The following PLCH1 variants were observed in gnomAD, a reference collection of about 807,000 sequenced individuals.
PLCH1 encodes the protein phospholipase C eta 1.
Under a neutral mutation model 126.7 loss-of-function variants are expected in PLCH1, and 60 were observed. The ratio of observed to expected loss-of-function variants is 0.47; its 90% CI spans 0.38 to 0.59. The LOEUF is 0.59. PLCH1 is among the 20% of genes least tolerant of loss of function. The pLI is 0.00. For missense variants in PLCH1, 1,723 were observed against 2,040.0 expected (o/e 0.84, Z 2.99); for synonymous variants, 719 against 734.9 (o/e 0.98, Z 0.35).
chr3:155,695,833 G>A (rs1375901349), intron 2 of PLCH1, among the ~76,000 whole-genome samples: 5 of 152,198 alleles, frequency 3.3e-5, no homozygotes, highest in African/African-American at 9.6e-5. Flanking sequence ...GGATGTGTTC[G>A]AAGTTGGCTA....
chr3:155,594,701 G>A (rs902657961), intron 3 of PLCH1, among the ~76,000 whole-genome samples: 2 of 152,128 alleles, frequency 1.3e-5, no homozygotes, highest in Non-Finnish European at 2.9e-5. Context: ...TGTGCTGCCT[G>A]AGCTGTCTTG....
At chr3:155,613,877 G>A (rs953420480) in intron 2 of PLCH1, among the ~76,000 whole-genome samples, 10 of 151,954 alleles carry the variant, frequency 6.6e-5, no homozygotes, top group African/African-American at 2.2e-4. Flanking sequence ...GTTCGCCAAC[G>A]ATATTTTATC....
chr3:155,663,024 C>A (rs547190623), intron 2 of PLCH1, among the ~76,000 whole-genome samples: 34 of 152,118 alleles, frequency 2.2e-4, no homozygotes, highest in Non-Finnish European at 4.0e-4. Flanking sequence ...AGTATTAAAT[C>A]TTTTCTTCTG....
chr3:155,523,024 G>T (rs1365289213), intron 11 of PLCH1, among the ~76,000 whole-genome samples: 1 of 152,050 alleles, frequency 6.6e-6, no homozygotes, highest in Non-Finnish European at 1.5e-5. Flanking sequence ...GCCCAGGCTG[G>T]AGTTCAGTGG....
intron 2 of PLCH1, among the ~76,000 whole-genome samples, chr3:155,600,770 TC>T (rs1236685014): frequency 3.9e-5 from 6 of 152,202 alleles, no homozygotes; most frequent in African/African-American, 1.4e-4. Context: ...GCACTCTGCT[TC>T]TTTCATTTGT....
chr3:155,649,868 C>G (rs1262674287), intron 2 of PLCH1, among the ~76,000 whole-genome samples: 1 of 152,084 alleles, frequency 6.6e-6, no homozygotes, highest in Non-Finnish European at 1.5e-5. Flanking sequence ...GTCCCAGCTG[C>G]TGGGGAGGCT....
intron 2 of PLCH1, among the ~76,000 whole-genome samples, chr3:155,635,015 G>T (rs181094536): frequency 9.2e-5 from 14 of 152,176 alleles, no homozygotes; most frequent in Non-Finnish European, 1.3e-4. Flanking sequence ...CTGTAACTGG[G>T]CATGATAATG....
chr3:155,688,577 A>C (rs937956510), intron 2 of PLCH1, among the ~76,000 whole-genome samples: 2 of 152,212 alleles, frequency 1.3e-5, no homozygotes, highest in Admixed American at 6.5e-5. Flanking sequence ...GGGGTAGAGC[A>C]AAAACCAGGT....
At chr3:155,666,826 A>C (rs896455483) in intron 2 of PLCH1, among the ~76,000 whole-genome samples, 1 of 152,112 alleles carries the variant, frequency 6.6e-6, no homozygotes, top group African/African-American at 2.4e-5. Flanking sequence ...CTTAGAGAAA[A>C]AATATAAGTA....
chr3:155,615,042 A>G (rs1735611738), intron 2 of PLCH1, among the ~76,000 whole-genome samples: 1 of 152,226 alleles, frequency 6.6e-6, no homozygotes, highest in Admixed American at 6.5e-5. Context: ...GAATCCAACG[A>G]AGGACTAATA....
At chr3:155,600,037 T>G (rs1365600564) in intron 2 of PLCH1, among the ~76,000 whole-genome samples, 1 of 152,204 alleles carries the variant, frequency 6.6e-6, no homozygotes, top group East Asian at 1.9e-4. Flanking sequence ...TTCTACCTGA[T>G]TGCTCCCTAT....
chr3:155,639,734 C>T (rs948551191), intron 2 of PLCH1, among the ~76,000 whole-genome samples: 3 of 152,178 alleles, frequency 2.0e-5, no homozygotes, highest in African/African-American at 7.2e-5. Context: ...GAAATAGAAC[C>T]TTGATATGGT....
At chr3:155,607,447 T>G (rs1330371436) in intron 2 of PLCH1, among the ~76,000 whole-genome samples, 3 of 152,100 alleles carry the variant, frequency 2.0e-5, no homozygotes, top group Non-Finnish European at 4.4e-5. Flanking sequence ...ATACAATGTT[T>G]ATTTGTTTTT....
rs757011252 is a variant in PLCH1, at chr3:155,586,205, G to A, written c.471-11C>T. The A allele has an allele frequency of 1.9e-6, 3 of 1,613,804 alleles. No homozygotes were observed. Among genetic ancestry groups the A allele is most frequent in the East Asian group, 2.2e-5 (1 of 44,882 alleles). On this transcript the variant is annotated splice_polypyrimidine_tract_variant and intron_variant, in intron 4 of 22. Coordinates refer to ENST00000460012, the MANE Select transcript of PLCH1 (RefSeq NM_014996.4). The stretch of plus-strand genomic sequence containing the variant: ...GTCTGCTTCACCCATGTGCAGAAAG[G>A]TCAAAGAAAACACCTGTGCTCTCAT...
At chr3:155,643,140 G>C (rs915162728) in intron 2 of PLCH1, among the ~76,000 whole-genome samples, 1 of 152,052 alleles carries the variant, frequency 6.6e-6, no homozygotes, top group African/African-American at 2.4e-5. Flanking sequence ...GTAGAGGCGG[G>C]GTTTCACCAT....
chr3:155,534,394 G>A (rs765160516), intron 10 of PLCH1, among the ~76,000 whole-genome samples: 4 of 152,198 alleles, frequency 2.6e-5, no homozygotes, highest in Non-Finnish European at 5.9e-5. Context: ...TTTGGCCGAT[G>A]TCTCCTTTTT....
intron 2 of PLCH1, among the ~76,000 whole-genome samples, chr3:155,664,130 A>G (rs939916164): frequency 6.6e-6 from 1 of 152,236 alleles, no homozygotes; most frequent in African/African-American, 2.4e-5. Flanking sequence ...TTATGTTCAG[A>G]AAAGAAACTG....
intron 1 of PLCH1, among the ~76,000 whole-genome samples, chr3:155,709,411 AATG>A (rs1454437179): frequency 6.6e-6 from 1 of 152,194 alleles, no homozygotes; most frequent in Non-Finnish European, 1.5e-5. Context: ...GCCAGCAATA[AATG>A]ATAGTTCCTG....
At chr3:155,484,393 T>C (rs1327702982) in intron 22 of PLCH1, among the ~76,000 whole-genome samples, 1 of 152,208 alleles carries the variant, frequency 6.6e-6, no homozygotes, top group Non-Finnish European at 1.5e-5. Context: ...TAAATGTTCT[T>C]TTTCTCCTTC....
Sources: gnomAD v4.1 joint callset for allele counts (sites outside exome capture counted in the v4.1 genomes callset) on GRCh38, gnomAD v4.1.1 for gene constraint, MANE v1.5 for transcripts, NCBI Gene and HGNC (gene_info 2026-07-23, HGNC 2026-07-21) for gene names.